Variants in LMBRD1 observed in about 807,000 individuals in gnomAD.
LMBRD1 encodes the protein lysosomal cobalamin transport escort protein LMBD1.
Under a neutral mutation model 74.8 loss-of-function variants are expected in LMBRD1, and 64 were observed. That is an observed-to-expected ratio of 0.86 (90% CI 0.70 to 1.05). The LOEUF is 1.05. Ranked by LOEUF, LMBRD1 falls within the 50% of genes least tolerant of loss-of-function variation. LMBRD1 has a pLI of 0.00. For missense variants in LMBRD1, 652 were observed against 645.9 expected (o/e 1.01, Z -0.10); for synonymous variants, 204 against 216.3 (o/e 0.94, Z 0.50).
At chr6:69,679,378 C>T (rs1765615442) in intron 14 of LMBRD1, among the ~76,000 whole-genome samples, 1 of 152,090 alleles carries the variant, frequency 6.6e-6, no homozygotes, top group South Asian at 2.1e-4. Flanking sequence ...TTACTTCGTG[C>T]TCCCACCACA....
At chr6:69,767,656 T>C (rs927412274) in intron 3 of LMBRD1, among the ~76,000 whole-genome samples, 2 of 151,934 alleles carry the variant, frequency 1.3e-5, no homozygotes, top group Non-Finnish European at 2.9e-5. Flanking sequence ...GTGCTTTAAG[T>C]CAATTGTGTT....
At chr6:69,708,194 T>A (rs568774404) in intron 9 of LMBRD1, among the ~76,000 whole-genome samples, 1 of 152,180 alleles carries the variant, frequency 6.6e-6, no homozygotes, top group Non-Finnish European at 1.5e-5. Context: ...AACATCAGAC[T>A]GTAGGCTTAG....
intron 5 of LMBRD1, among the ~76,000 whole-genome samples, chr6:69,745,674 G>A (rs1165648014): frequency 6.6e-6 from 1 of 151,988 alleles, no homozygotes; most frequent in Admixed American, 6.6e-5. Context: ...CTTTTTTGAG[G>A]GGAGGGGAAA....
chr6:69,692,608 T>C (rs1345607592), intron 14 of LMBRD1, among the ~76,000 whole-genome samples: 3 of 152,168 alleles, frequency 2.0e-5, no homozygotes, highest in African/African-American at 7.2e-5. Flanking sequence ...TCCTTATGCC[T>C]GGTTAATACA....
At chr6:69,771,948 C>A (rs1765585666) in intron 3 of LMBRD1, among the ~76,000 whole-genome samples, 1 of 151,802 alleles carries the variant, frequency 6.6e-6, no homozygotes, top group African/African-American at 2.4e-5. Context: ...GAATTTTCTG[C>A]CATATTTGAC....
At chr6:69,712,531 T>C (rs1480976934) in intron 9 of LMBRD1, among the ~76,000 whole-genome samples, 4 of 151,910 alleles carry the variant, frequency 2.6e-5, no homozygotes, top group African/African-American at 7.2e-5. Context: ...ACATACATAA[T>C]TGGAACATTA....
intron 4 of LMBRD1, 77 bp from the exon 5 acceptor site, chr6:69,749,485 G>T: frequency 9.3e-7 from 1 of 1,079,276 alleles, no homozygotes; most frequent in Non-Finnish European, 1.4e-6. Context: ...CACTTTAACA[G>T]TACCTTCACA....
chr6:69,715,062 G>A (rs2149853974), intron 8 of LMBRD1, among the ~76,000 whole-genome samples: 2 of 152,018 alleles, frequency 1.3e-5, no homozygotes, highest in Admixed American at 1.3e-4. Flanking sequence ...AGTACATTGG[G>A]TATTATCACT....
intron 14 of LMBRD1, among the ~76,000 whole-genome samples, chr6:69,682,395 C>A (rs1435523442): frequency 6.6e-6 from 1 of 151,774 alleles, no homozygotes; most frequent in African/African-American, 2.4e-5. Context: ...TCAGAGTAAC[C>A]ATTTTTAAGA....
rs1387925737 is a variant in LMBRD1 at position 69,713,686 on chromosome 6, T to C, written c.874A>G (p.Ser292Gly). Residue 292 changes from serine (S) to glycine (G), a missense_variant, in exon 9 of 16, where the codon AGC becomes GGC. This residue lies in a region of LMBRD1 where 598 missense variants were observed against 581.8 expected (regional missense o/e 1.03). Transcript: ENST00000649934. ...RERHLEFIENSWWTKFCGALR... is the reference protein window; with the variant it reads ...RERHLEFIENGWWTKFCGALR... ...GCGCCACAAAATTTTGTCCACCAGC[T>C]GTTTTCAATGAATTCTAAATGCCTC... 1.9e-6 allele frequency: 3 copies of C among 1,613,706 alleles called. No homozygotes were observed. The highest frequency in any genetic ancestry group is 1.1e-5 in the South Asian group (1 of 91,076).
intron 7 of LMBRD1, among the ~76,000 whole-genome samples, chr6:69,719,555 T>C (rs989749645): frequency 6.6e-6 from 1 of 152,188 alleles, no homozygotes; most frequent in Admixed American, 6.5e-5. Flanking sequence ...GTTCTAAATA[T>C]TTATAACCAA....
chr6:69,724,614 A>T (rs1010014447), intron 7 of LMBRD1, among the ~76,000 whole-genome samples: 32 of 151,148 alleles, frequency 2.1e-4, no homozygotes, highest in African/African-American at 5.8e-4. Flanking sequence ...ATGAAGGATG[A>T]AAACCACATG....
chr6:69,794,028 G>A (rs1046041020), intron 1 of LMBRD1, among the ~76,000 whole-genome samples: 9 of 152,092 alleles, frequency 5.9e-5, no homozygotes, highest in Non-Finnish European at 4.4e-5. Context: ...CCCATGTCCT[G>A]AATATTTAGT....
At chr6:69,768,175 C>T (rs1029964917) in intron 3 of LMBRD1, among the ~76,000 whole-genome samples, 4 of 151,820 alleles carry the variant, frequency 2.6e-5, no homozygotes, top group Non-Finnish European at 5.9e-5. Flanking sequence ...ACTACTTACA[C>T]ATAATATAAC....
At chr6:69,748,403 A>G (rs764387218) in intron 5 of LMBRD1, among the ~76,000 whole-genome samples, 2 of 152,142 alleles carry the variant, frequency 1.3e-5, no homozygotes, top group Non-Finnish European at 2.9e-5. Context: ...CCACTAAAAA[A>G]AGTGCTTACA....
intron 2 of LMBRD1, among the ~76,000 whole-genome samples, chr6:69,787,555 G>A (rs1765982234): frequency 6.6e-6 from 1 of 152,094 alleles, no homozygotes; most frequent in Admixed American, 6.6e-5. Flanking sequence ...GACCAGCCTG[G>A]CCAACATGGT....
chr6:69,758,664 A>C (rs979202334), intron 3 of LMBRD1, among the ~76,000 whole-genome samples: 1 of 152,154 alleles, frequency 6.6e-6, no homozygotes, highest in Non-Finnish European at 1.5e-5. Flanking sequence ...GTGAGACTGA[A>C]ACACTATATG....
chr6:69,701,452 T>C lies in LMBRD1; in HGVS notation c.1074A>G (p.Leu358=). The change falls in exon 11 of 16, where the codon TTA becomes TTG. Residue 358 remains leucine, a synonymous_variant. Coordinates refer to ENST00000649934, the MANE Select transcript of LMBRD1 (RefSeq NM_018368.4). ...LSNPLNMLLP[L]LQTVFPLDYI... is the part of the protein sequence containing the mutation. ...TTGATATTTTACTTACTGTTTGTAG[T>C]AAAGGCAAAAGCATATTCAGTGGAT... The C allele has an allele frequency of 6.3e-7, 1 of 1,582,860 alleles. No homozygotes were observed. The highest frequency in any genetic ancestry group is 8.7e-7 in the Non-Finnish European group (1 of 1,153,166).
chr6:69,694,183 T>C (rs1466558248), intron 14 of LMBRD1, among the ~76,000 whole-genome samples: 2 of 152,108 alleles, frequency 1.3e-5, no homozygotes, highest in African/African-American at 4.8e-5. Context: ...TCCAGTAATA[T>C]CAGGGCATTT....
Sources: gnomAD v4.1 joint callset for allele counts (sites outside exome capture counted in the v4.1 genomes callset) on GRCh38, gnomAD v4.1.1 for gene constraint, gnomAD v4.1.1 regional missense constraint, MANE v1.5 for transcripts, NCBI Gene and HGNC (gene_info 2026-07-23, HGNC 2026-07-21) for gene names.